Variants in LEPROT observed in about 807,000 individuals in gnomAD.
The protein encoded by LEPROT is leptin receptor gene-related protein.
In LEPROT, 3 loss-of-function variants were observed where a neutral mutation model predicts 15.4. The ratio of observed to expected loss-of-function variants is 0.19; its 90% CI spans 0.09 to 0.50. The LOEUF (loss-of-function observed/expected upper bound fraction) is 0.50, where lower values mean the gene tolerates loss of function less well. LEPROT is among the 20% of genes least tolerant of loss of function. LEPROT has a pLI of 0.97. For missense variants in LEPROT, 137 were observed against 162.2 expected (o/e 0.84, Z 0.84); for synonymous variants, 59 against 57.5 (o/e 1.03, Z -0.12).
intron 1 of LEPROT, chr1:65,421,240 G>GGA: frequency 7.3e-7 from 1 of 1,379,280 alleles, no homozygotes; most frequent in Non-Finnish European, 9.5e-7. Flanking sequence ...AAAGCACCCA[G>GGA]AAAGACGGTG....
intron 2 of LEPROT, among the ~76,000 whole-genome samples, chr1:65,427,141 G>A (rs764183395): frequency 1.4e-4 from 21 of 152,178 alleles, no homozygotes; most frequent in South Asian, 4.1e-4. Flanking sequence ...AGATATAAGC[G>A]GTCACTTATA....
intron 2 of LEPROT, among the ~76,000 whole-genome samples, chr1:65,426,777 T>C (rs1646381897): frequency 6.6e-6 from 1 of 152,080 alleles, no homozygotes; most frequent in Admixed American, 6.6e-5. Flanking sequence ...GGCGGGCAGA[T>C]CACGAGGTCA....
At position 65,421,393 on chromosome 1, in the gene LEPROT, C is replaced by G. The variant is rs1281102340; in HGVS notation, c.16+653C>G. 3 of 1,535,852 alleles carry G rather than the reference C, an allele frequency of 2.0e-6. No individual in the cohort carries two copies. The East Asian group carries it at 7.3e-5, about 38-fold the overall frequency. On this transcript the variant is annotated intron_variant, in intron 1 of 3. Coordinates refer to ENST00000371065, the MANE Select transcript of LEPROT (RefSeq NM_017526.5). Reference sequence around the variant, plus strand: ...GGGCAGTTGGTAAAAACACCGCGTCCCTTATCTGTATGGCTTCAGAGCAAT... The same window carrying G: ...GGGCAGTTGGTAAAAACACCGCGTCGCTTATCTGTATGGCTTCAGAGCAAT...
rs140037152 is a variant in LEPROT, at chr1:65,425,118, G to T, written c.17-185G>T. On this transcript the variant is annotated intron_variant, in intron 1 of 3. Coordinates refer to ENST00000371065, the MANE Select transcript of LEPROT (RefSeq NM_017526.5). Reference sequence around the variant, plus strand: ...TAAAATTAACATTCTTAAAGTGTAAGATTTCATGGTTTTTAGTATATTCAG... The same window carrying T: ...TAAAATTAACATTCTTAAAGTGTAATATTTCATGGTTTTTAGTATATTCAG... 2.7e-3 allele frequency among the ~76,000 whole-genome samples: 411 copies of T among 152,124 alleles called. 1 individual carries two copies. The highest frequency in any genetic ancestry group is 9.7e-3 in the African/African-American group (401 of 41,488).
Position 65,432,845 on chromosome 1 carries a change from A to G in LEPROT, c.*926A>G. 1.5e-6 allele frequency: 1 copy of G among 657,854 alleles called. No homozygotes were observed. The highest frequency in any genetic ancestry group is 2.0e-5 in the African/African-American group (1 of 50,828). 40.8% of individuals were successfully genotyped at this position (657,854 alleles called of 1,614,324 possible). On this transcript the variant is annotated 3_prime_UTR_variant, in exon 4 of 4. Transcript: ENST00000371065. The stretch of plus-strand genomic sequence containing the variant: ...ATAAAAAAGTTAAATATTTGAGATC[A>G]TATGTTAATTAGTGTAATCATTCCA...
intron 3 of LEPROT, among the ~76,000 whole-genome samples, chr1:65,431,064 G>T (rs1464246828): frequency 6.6e-6 from 1 of 152,208 alleles, no homozygotes; most frequent in Non-Finnish European, 1.5e-5. Flanking sequence ...ATTAGCAATG[G>T]TCTTGAACCC....
At position 65,433,782 on chromosome 1, in the gene LEPROT, A is replaced by G; in HGVS notation, c.*1863A>G. The G allele has an allele frequency of 1.1e-6, 1 of 947,680 alleles. No individual in the cohort carries two copies. Among genetic ancestry groups the G allele is most frequent in the Non-Finnish European group, 1.3e-6 (1 of 795,938 alleles). The allele number at this position is 947,680 out of a possible 1,614,324, so 58.7% of individuals were successfully genotyped here. A position where few individuals can be genotyped will look rare whatever the true frequency, so the allele number is the denominator to read the frequency against. On this transcript the variant is annotated 3_prime_UTR_variant, in exon 4 of 4. Coordinates refer to ENST00000371065, the MANE Select transcript of LEPROT (RefSeq NM_017526.5). ...TGACACTTGCATTTATTGTATTGTAATAAATTTCACTTTTAACTTTAAAAG... is the reference window on the plus strand; with the variant it reads ...TGACACTTGCATTTATTGTATTGTAGTAAATTTCACTTTTAACTTTAAAAG...
intron 3 of LEPROT, 98 bp downstream of exon 3, chr1:65,430,146 A>G: frequency 9.2e-7 from 1 of 1,081,232 alleles, no homozygotes; most frequent in Middle Eastern, 2.2e-4. Flanking sequence ...CTTAGGCTTT[A>G]TACTCAAGGC....
At position 65,421,345 on chromosome 1, in the gene LEPROT, G is replaced by T. The variant is rs1646245949; in HGVS notation, c.16+605G>T. The T allele has an allele frequency of 3.3e-6, 5 of 1,535,742 alleles. No individual in the cohort carries two copies. In the African/African-American group the frequency reaches 5.5e-5, roughly 17 times the overall value. On this transcript the variant is annotated intron_variant, in intron 1 of 3. Transcript: ENST00000371065. ...ATGGACAGAGAAGAAACCAGTGTGT[G>T]TGTAGTATGTGTTTTTTGCATGGGG...
At chr1:65,429,246 T>C (rs1240017075) in intron 2 of LEPROT, among the ~76,000 whole-genome samples, 3 of 152,010 alleles carry the variant, frequency 2.0e-5, no homozygotes, top group Non-Finnish European at 4.4e-5. Context: ...GAGAAGATCA[T>C]GGGGAAGGAC....
At chr1:65,425,902 A>T (rs532399704) in intron 2 of LEPROT, among the ~76,000 whole-genome samples, 9 of 152,286 alleles carry the variant, frequency 5.9e-5, no homozygotes, top group Middle Eastern at 3.4e-3. Context: ...ACATTTTTTC[A>T]TTCAACCATT....
At chr1:65,431,343 A>G (rs2100227077) in intron 3 of LEPROT, among the ~76,000 whole-genome samples, 1 of 152,296 alleles carries the variant, frequency 6.6e-6, no homozygotes, top group East Asian at 1.9e-4. Flanking sequence ...TCTACAAACC[A>G]TCTACTAAGC....
chr1:65,427,588 A>G (rs1246460951), intron 2 of LEPROT, among the ~76,000 whole-genome samples: 1 of 152,102 alleles, frequency 6.6e-6, no homozygotes, highest in Non-Finnish European at 1.5e-5. Flanking sequence ...AAAAATTAAA[A>G]TGGCAGACAT....
chr1:65,430,051 A>G lies in LEPROT; in HGVS notation c.279+3A>G. ...TTATTCTTGCTCGTGTGGCTGTGGTAAGTTTTATTTTCTATTGTTTTGCCC... is the reference window on the plus strand; with the variant it reads ...TTATTCTTGCTCGTGTGGCTGTGGTGAGTTTTATTTTCTATTGTTTTGCCC... On this transcript the variant is annotated splice_donor_region_variant and intron_variant, in intron 3 of 3. Coordinates refer to ENST00000371065, the MANE Select transcript of LEPROT (RefSeq NM_017526.5). 3 of 1,555,104 alleles carry G rather than the reference A, an allele frequency of 1.9e-6. No homozygotes were observed. Among genetic ancestry groups the G allele is most frequent in the Non-Finnish European group, 2.6e-6 (3 of 1,137,222 alleles).
At chr1:65,431,305 C>T (rs1570434850) in intron 3 of LEPROT, among the ~76,000 whole-genome samples, 1 of 152,196 alleles carries the variant, frequency 6.6e-6, no homozygotes. Flanking sequence ...AGGGTACTCT[C>T]ACCCCCAAAT....
At chr1:65,427,310 A>G (rs1646397900) in intron 2 of LEPROT, among the ~76,000 whole-genome samples, 2 of 152,198 alleles carry the variant, frequency 1.3e-5, no homozygotes, top group Non-Finnish European at 2.9e-5. Context: ...GTGGTGGCTC[A>G]TGCCTATAAT....
chr1:65,425,097 A>G (rs1242320562), intron 1 of LEPROT, among the ~76,000 whole-genome samples: 1 of 152,204 alleles, frequency 6.6e-6, no homozygotes, highest in Non-Finnish European at 1.5e-5. Flanking sequence ...ATACCATAAA[A>G]TTAACATTCT....
chr1:65,435,494 A>C lies in LEPROT; in HGVS notation c.*3575A>C. 2.5e-6 allele frequency: 1 copy of C among 398,296 alleles called. No individual in the cohort carries two copies. The highest frequency in any genetic ancestry group is 3.4e-6 in the Non-Finnish European group (1 of 294,302). The allele number at this position is 398,296 out of a possible 1,614,324, so 24.7% of individuals were successfully genotyped here. A position where few individuals can be genotyped will look rare whatever the true frequency, so the allele number is the denominator to read the frequency against. On this transcript the variant is annotated 3_prime_UTR_variant, in exon 4 of 4. Coordinates refer to ENST00000371065, the MANE Select transcript of LEPROT (RefSeq NM_017526.5). The stretch of plus-strand genomic sequence containing the variant: ...GCCATTCTCCTGCCTCAGCCTCCCA[A>C]GGAGCTGGGACTACAGGCTCCCGCC...
At chr1:65,421,690 T>C (rs1368335335) in intron 1 of LEPROT, among the ~76,000 whole-genome samples, 1 of 152,220 alleles carries the variant, frequency 6.6e-6, no homozygotes, top group Non-Finnish European at 1.5e-5. Context: ...ACTTTTATAC[T>C]TAATATCAGT....
Sources: allele counts gnomAD v4.1 joint callset (sites outside exome capture counted in the v4.1 genomes callset), GRCh38; gene constraint gnomAD v4.1.1; transcripts MANE v1.5; gene names NCBI Gene and HGNC (gene_info 2026-07-23, HGNC 2026-07-21).